ZNF273: variants seen among roughly 807,000 people sequenced by gnomAD.
ZNF273 encodes zinc finger protein 273.
In ZNF273, 11 loss-of-function variants were observed where a neutral mutation model predicts 14.9. The observed-to-expected ratio is 0.74, with a 90% CI of 0.46 to 1.22. The LOEUF (loss-of-function observed/expected upper bound fraction) is 1.22, where lower values mean the gene tolerates loss of function less well. Among genes scored for constraint, ZNF273 ranks in the 50% most tolerant of loss-of-function variants. The pLI is 0.00. For synonymous variants in ZNF273, 199 were observed against 223.9 expected, an observed-to-expected ratio of 0.89 and a Z score of 0.99; for missense variants, 577 against 660.6, an observed-to-expected ratio of 0.87 and a Z score of 1.39.
At position 64,929,118 on chromosome 7, in the gene ZNF273, C is replaced by A; in HGVS notation, c.*80C>A. On this transcript the variant is annotated 3_prime_UTR_variant, in exon 4 of 4. Coordinates refer to ENST00000476120, the MANE Select transcript of ZNF273 (RefSeq NM_021148.3). ...AAGATAATTCATACTGGAGAAAACT[C>A]CCAGAAGTGGAGTTTTCCTTATTGC... 7.0e-6 allele frequency: 1 copy of A among 142,842 alleles called. No individual in the cohort carries two copies. Among genetic ancestry groups the A allele is most frequent in the Non-Finnish European group, 1.0e-5 (1 of 96,156 alleles). The allele number at this position is 142,842 out of a possible 1,614,324, so 8.8% of individuals were successfully genotyped here.
At chr7:64,912,828 T>TTTTTTTTTTTG (rs2129070651) in intron 1 of ZNF273, among the ~76,000 whole-genome samples, 1 of 77,918 alleles carries the variant, frequency 1.3e-5, no homozygotes, top group Admixed American at 1.5e-4. Flanking sequence ...TCATTTTAGT[T>TTTTTTTTTTTG]TTTTTTTTTT....
At chr7:64,916,696 G>GT (rs900413886) in intron 1 of ZNF273, among the ~76,000 whole-genome samples, 1 of 150,458 alleles carries the variant, frequency 6.6e-6, no homozygotes. Flanking sequence ...GTGATGCTGT[G>GT]TTTTTCTGTG....
chr7:64,917,727 A>T lies in ZNF273; in HGVS notation c.229+20A>T, dbSNP rs773893508. The T allele has an allele frequency of 1.3e-6, 2 of 1,564,036 alleles. No individual in the cohort carries two copies. The highest frequency in any genetic ancestry group is 1.7e-6 in the Non-Finnish European group (2 of 1,155,306). On this transcript the variant is annotated intron_variant, in intron 2 of 3. Transcript: ENST00000476120. ...TCCTGGGTGAGGATAATTTTAATACATAATTTAAAGGTTTCACTTCTCCTT... is the reference window on the plus strand; with the variant it reads ...TCCTGGGTGAGGATAATTTTAATACTTAATTTAAAGGTTTCACTTCTCCTT...
exon 4 of ZNF273, chr7:64,897,690 T>C (rs1421209377): frequency 6.9e-6 from 1 of 145,856 alleles, no homozygotes; most frequent in Non-Finnish European, 1.5e-5. Context: ...TCTGGTAAAA[T>C]AAAGGTTCAT....
chr7:64,924,677 C>T (rs1047853199), intron 3 of ZNF273, among the ~76,000 whole-genome samples: 7 of 152,162 alleles, frequency 4.6e-5, no homozygotes, highest in Middle Eastern at 3.2e-3. Context: ...ACTATTTTGA[C>T]GTCTGCTGCT....
At chr7:64,890,760 AG>A (rs1372682378), downstream of ZNF273, among the ~76,000 whole-genome samples, 8 of 149,302 alleles carry the variant, frequency 5.4e-5, no homozygotes, top group African/African-American at 2.0e-4. Context: ...GGTTTGTATC[AG>A]TGTCCCCATT....
rs936691545 is a variant in ZNF273, at chr7:64,929,209, T to A, written c.*171T>A. On this transcript the variant is annotated 3_prime_UTR_variant, in exon 4 of 4. Coordinates refer to ENST00000476120, the MANE Select transcript of ZNF273 (RefSeq NM_021148.3). ...TGGAAAAGTCATTAATATCTGCTCA[T>A]ATCTTAACATCAGCGAGTTGGTATT... 34 of 376,818 alleles carry A rather than the reference T, an allele frequency of 9.0e-5. No individual in the cohort carries two copies. The highest frequency in any genetic ancestry group is 6.3e-4 in the Admixed American group (13 of 20,600). 23.3% of individuals were successfully genotyped at this position (376,818 alleles called of 1,614,324 possible).
chr7:64,933,389 C>G (rs548887411), downstream of ZNF273: 1 of 152,182 alleles, frequency 6.6e-6, no homozygotes, highest in African/African-American at 2.4e-5. Context: ...TTTTGGAGAT[C>G]AGGGCAACTT....
At chr7:64,905,268 G>T (rs1793020885) in intron 1 of ZNF273, among the ~76,000 whole-genome samples, 1 of 151,474 alleles carries the variant, frequency 6.6e-6, no homozygotes, top group Non-Finnish European at 1.5e-5. Context: ...AGTGCACGCC[G>T]ACACACCTGG....
intron 1 of ZNF273, among the ~76,000 whole-genome samples, chr7:64,885,216 CT>C (rs1791506968): frequency 6.6e-6 from 1 of 152,202 alleles, no homozygotes; most frequent in Admixed American, 6.5e-5. Context: ...ATAAGCCAGC[CT>C]TAGGAATCGT....
downstream of ZNF273, among the ~76,000 whole-genome samples, chr7:64,883,842 C>T (rs937045802): frequency 6.6e-6 from 1 of 152,224 alleles, no homozygotes; most frequent in Admixed American, 6.5e-5. Flanking sequence ...CTACAGTAAA[C>T]CTTTCCTTGT....
At chr7:64,934,279 CTGTT>C (rs529026967), downstream of ZNF273, among the ~76,000 whole-genome samples, 437 of 152,052 alleles carry the variant, frequency 2.9e-3, 3 homozygotes, top group African/African-American at 0.01. Flanking sequence ...TTTTCTTGTC[CTGTT>C]TGTTGTATCA....
At chr7:64,926,698 A>G (rs1398644053) in intron 3 of ZNF273, among the ~76,000 whole-genome samples, 1 of 152,228 alleles carries the variant, frequency 6.6e-6, no homozygotes, top group Non-Finnish European at 1.5e-5. Context: ...GCTACCCATC[A>G]CAATCTTTAT....
upstream of ZNF273, among the ~76,000 whole-genome samples, chr7:64,899,122 T>C (rs1792535248): frequency 6.6e-6 from 1 of 152,204 alleles, no homozygotes; most frequent in African/African-American, 2.4e-5. Flanking sequence ...GAATTCTCCC[T>C]TCAAATTGTT....
downstream of ZNF273, among the ~76,000 whole-genome samples, chr7:64,882,069 A>G (rs1401378979): frequency 2.0e-5 from 3 of 152,018 alleles, no homozygotes; most frequent in East Asian, 5.8e-4. Flanking sequence ...GGTGCTGAGA[A>G]GGGGGAGCCC....
upstream of ZNF273, among the ~76,000 whole-genome samples, chr7:64,898,280 A>T (rs1792481461): frequency 1.3e-5 from 2 of 152,200 alleles, no homozygotes; most frequent in South Asian, 4.1e-4. Context: ...TTCTTCACTT[A>T]ACACCAATGG....
At chr7:64,917,947 G>C (rs1794130496) in intron 2 of ZNF273, among the ~76,000 whole-genome samples, 1 of 151,978 alleles carries the variant, frequency 6.6e-6, no homozygotes, top group South Asian at 2.1e-4. Flanking sequence ...AAATTTAGTG[G>C]CATAAAAGTT....
chr7:64,899,604 C>A (rs1792558995), upstream of ZNF273, among the ~76,000 whole-genome samples: 1 of 149,698 alleles, frequency 6.7e-6, no homozygotes, highest in South Asian at 2.1e-4. Flanking sequence ...GAAGTAGAGC[C>A]AAGATCTTGC....
At chr7:64,932,159 A>G (rs1795002503), downstream of ZNF273, among the ~76,000 whole-genome samples, 1 of 151,898 alleles carries the variant, frequency 6.6e-6, no homozygotes, top group African/African-American at 2.4e-5. Context: ...GATTGTTAAG[A>G]TAAAAGGCAT....
Sources: allele counts gnomAD v4.1 joint callset (sites outside exome capture counted in the v4.1 genomes callset), GRCh38; gene constraint gnomAD v4.1.1; transcripts MANE v1.5; gene names NCBI Gene and HGNC (gene_info 2026-07-23, HGNC 2026-07-21).